Variants in GULP1 observed in about 807,000 individuals in gnomAD.
The protein encoded by GULP1 is GULP PTB domain containing engulfment adaptor 1.
Under a neutral mutation model 40.9 loss-of-function variants are expected in GULP1, and 19 were observed. That is an observed-to-expected ratio of 0.46 (90% confidence interval 0.32 to 0.68). The LOEUF (loss-of-function observed/expected upper bound fraction) is 0.68. Ranked by LOEUF, GULP1 falls within the 30% of genes least tolerant of loss-of-function variation. The probability of loss-of-function intolerance (pLI) is 0.03; values close to 1 mark genes in which losing one functional copy is unlikely to be tolerated. For synonymous variants in GULP1, 119 were observed against 117.6 expected (o/e 1.01, Z -0.08); for missense variants, 312 against 362.2 (o/e 0.86, Z 1.12).
chr2:188,428,639 T>C (rs2056499996), intron 2 of GULP1, among the ~76,000 whole-genome samples: 1 of 152,160 alleles, frequency 6.6e-6, no homozygotes, highest in Non-Finnish European at 1.5e-5. Flanking sequence ...CCCTGTTGGC[T>C]TTCTTCCATG....
intron 9 of GULP1, chr2:188,582,449 T>C: frequency 2.1e-6 from 1 of 471,778 alleles, no homozygotes; most frequent in South Asian, 1.5e-5. Context: ...TTCTTCCATC[T>C]CTGTCACTCC....
chr2:188,545,241 C>A (rs1691591691), intron 7 of GULP1, among the ~76,000 whole-genome samples: 1 of 150,724 alleles, frequency 6.6e-6, no homozygotes, highest in African/African-American at 2.4e-5. Context: ...AAAGGAAGTT[C>A]TCTAAATGGA....
rs914967794 is a variant in GULP1 at position 188,507,941 on chromosome 2, A to T, written c.91-14815A>T. On this transcript the variant is annotated intron_variant, in intron 4 of 11. Transcript: ENST00000409830. The stretch of plus-strand genomic sequence containing the variant: ...GTATAGTTCTTTTTGAGAAAGTGAT[A>T]TGCTGCAATATAGTTCTGTATATAT... 3.3e-5 allele frequency among the ~76,000 whole-genome samples: 5 copies of T among 152,010 alleles called. No individual in the cohort carries two copies. The South Asian group carries it at 1.0e-3, about 31-fold the overall frequency.
intron 7 of GULP1, among the ~76,000 whole-genome samples, chr2:188,548,981 T>C (rs1310909304): frequency 6.6e-6 from 1 of 151,698 alleles, no homozygotes; most frequent in Non-Finnish European, 1.5e-5. Context: ...GACTTAGATA[T>C]AAAAATACAA....
chr2:188,364,124 A>G (rs2046434522), intron 1 of GULP1, among the ~76,000 whole-genome samples: 1 of 152,166 alleles, frequency 6.6e-6, no homozygotes, highest in African/African-American at 2.4e-5. Context: ...CTGTAGGTAA[A>G]TAATTAAATA....
At chr2:188,333,609 G>A (rs554940782) in intron 1 of GULP1, among the ~76,000 whole-genome samples, 1 of 152,102 alleles carries the variant, frequency 6.6e-6, no homozygotes, top group Non-Finnish European at 1.5e-5. Context: ...AACTTCCAGT[G>A]TCTGTTAAAA....
At chr2:188,398,585 T>C (rs2152605994) in intron 2 of GULP1, among the ~76,000 whole-genome samples, 1 of 152,356 alleles carries the variant, frequency 6.6e-6, no homozygotes, top group Non-Finnish European at 1.5e-5. Flanking sequence ...AATTAATTAC[T>C]ATTTGAATAA....
intron 4 of GULP1, among the ~76,000 whole-genome samples, chr2:188,507,360 G>A (rs1195016916): frequency 6.7e-6 from 1 of 149,952 alleles, no homozygotes; most frequent in Non-Finnish European, 1.5e-5. Flanking sequence ...CACTAAACGA[G>A]TGTGTTTCTG....
chr2:188,507,341 C>G (rs566401583), intron 4 of GULP1, among the ~76,000 whole-genome samples: 1 of 151,020 alleles, frequency 6.6e-6, no homozygotes, highest in East Asian at 2.0e-4. Flanking sequence ...ATGTTTCCAC[C>G]TGAATATTCA....
chr2:188,373,518 T>A (rs1178464698), intron 1 of GULP1, among the ~76,000 whole-genome samples: 2 of 151,994 alleles, frequency 1.3e-5, no homozygotes, highest in African/African-American at 4.8e-5. Context: ...TCCAGTTCCA[T>A]AAACATTGAT....
chr2:188,477,865 A>C, intron 3 of GULP1, 135 bp downstream of exon 3: 1 of 643,992 alleles, frequency 1.6e-6, no homozygotes, highest in South Asian at 2.3e-5. Context: ...GAGCAACACA[A>C]ATCTGCAAAC....
intron 2 of GULP1, 68 bp from the exon 3 acceptor site, chr2:188,477,591 C>T: frequency 6.6e-6 from 5 of 756,328 alleles, no homozygotes; most frequent in South Asian, 5.5e-5. Flanking sequence ...TAATTAAAAC[C>T]ACATTAGCAA....
intron 1 of GULP1, among the ~76,000 whole-genome samples, chr2:188,353,141 C>T (rs1384941334): frequency 6.6e-6 from 1 of 151,980 alleles, no homozygotes; most frequent in Non-Finnish European, 1.5e-5. Context: ...CTGGCAAATG[C>T]TTTATGAGGT....
chr2:188,304,042 T>C (rs940571323), intron 1 of GULP1, among the ~76,000 whole-genome samples: 1 of 152,168 alleles, frequency 6.6e-6, no homozygotes, highest in African/African-American at 2.4e-5. Flanking sequence ...CACATTCTTG[T>C]GGGTTTTTGA....
intron 3 of GULP1, among the ~76,000 whole-genome samples, chr2:188,482,148 G>A (rs946950656): frequency 4.0e-5 from 6 of 151,464 alleles, no homozygotes; most frequent in Non-Finnish European, 7.4e-5. Flanking sequence ...CTTTTGTATT[G>A]GAAATACTTG....
chr2:188,345,218 T>C (rs2043481995), intron 1 of GULP1, among the ~76,000 whole-genome samples: 1 of 152,188 alleles, frequency 6.6e-6, no homozygotes, highest in African/African-American at 2.4e-5. Flanking sequence ...CAAGACCGTT[T>C]CCCTAAATCA....
At chr2:188,563,418 T>C (rs770504816) in intron 7 of GULP1, among the ~76,000 whole-genome samples, 2 of 150,940 alleles carry the variant, frequency 1.3e-5, no homozygotes, top group African/African-American at 4.8e-5. Context: ...TTGATAAATA[T>C]CTTGAAACTC....
chr2:188,463,133 T>G (rs892006497), intron 2 of GULP1, among the ~76,000 whole-genome samples: 4 of 152,308 alleles, frequency 2.6e-5, no homozygotes, highest in African/African-American at 9.6e-5. Context: ...TTAACATTTC[T>G]TATTGCTCAT....
At chr2:188,522,704 C>A in intron 4 of GULP1, 52 bp from the exon 5 acceptor site, 2 of 1,042,180 alleles carry the variant, frequency 1.9e-6, no homozygotes, top group African/African-American at 1.6e-5. Context: ...CAACATGATG[C>A]AATGATATAT....
Sources: gnomAD v4.1 joint callset for allele counts (sites outside exome capture counted in the v4.1 genomes callset) on GRCh38, gnomAD v4.1.1 for gene constraint, MANE v1.5 for transcripts, NCBI Gene and HGNC (gene_info 2026-07-23, HGNC 2026-07-21) for gene names.